MFRP: variants seen among roughly 807,000 people sequenced by gnomAD.
MFRP encodes membrane frizzled-related protein.
In MFRP, 74 loss-of-function variants were observed where a neutral mutation model predicts 65.8. That is an observed-to-expected ratio of 1.12 (90% CI 0.93 to 1.36). The LOEUF (loss-of-function observed/expected upper bound fraction) is 1.36, where lower values mean the gene tolerates loss of function less well. Among genes scored for constraint, MFRP ranks in the 40% most tolerant of loss-of-function variants. The probability of loss-of-function intolerance (pLI) is 0.00; values close to 1 mark genes in which losing one functional copy is unlikely to be tolerated. For missense variants in MFRP, 838 were observed against 736.0 expected, an observed-to-expected ratio of 1.14 and a Z score of -1.60; for synonymous variants, 336 against 288.3, an observed-to-expected ratio of 1.17 and a Z score of -1.68.
Position 119,340,233 on chromosome 11 carries a change from G to A in MFRP, c.*1061C>T. ...CTCCCGGAGCCCCGGGCGCGCCGTC[G>A]CGGCCGTCGCGGCCATCGCGGCCCG... On this transcript the variant is annotated 3_prime_UTR_variant, in exon 14 of 15. Transcript: ENST00000619721. 1 of 1,512,302 alleles carries A rather than the reference G, an allele frequency of 6.6e-7. No individual in the cohort carries two copies. The highest frequency in any genetic ancestry group is 8.8e-7 in the Non-Finnish European group (1 of 1,133,332). The allele number at this position is 1,512,302 out of a possible 1,614,324, so 93.7% of individuals were successfully genotyped here. A position where few individuals can be genotyped will look rare whatever the true frequency, so the allele number is the denominator to read the frequency against.
chr11:119,344,740 C>G lies in MFRP; in HGVS notation c.790G>C (p.Glu264Gln), dbSNP rs766760683. The G allele has an allele frequency of 6.2e-7, 1 of 1,613,904 alleles. No individual in the cohort carries two copies. The highest frequency in any genetic ancestry group is 8.5e-7 in the Non-Finnish European group (1 of 1,180,012). The change falls in exon 7 of 15, where the codon GAG (glutamate) becomes CAG (glutamine). Residue 264 changes from glutamate (E) to glutamine (Q), a missense_variant. By Grantham distance (29) the Glu-to-Gln change is conservative. Transcript: ENST00000619721. ...CAGATGAGCTGGTCACAGCGGAACTCATCATGGGCACAGCTCCCTGGATGT... is the reference window on the plus strand; with the variant it reads ...CAGATGAGCTGGTCACAGCGGAACTGATCATGGGCACAGCTCCCTGGATGT... Reference protein sequence around the residue: ...APGRGSCAHDEFRCDQLICLL... With the variant: ...APGRGSCAHDQFRCDQLICLL...
rs376084659 is a variant in MFRP at position 119,344,375 on chromosome 11, C to T, written c.915G>A (p.Leu305=). The change falls in exon 8 of 15, where the codon CTG becomes CTA. Residue 305 remains leucine, a synonymous_variant. Coordinates refer to ENST00000619721, the MANE Select transcript of MFRP (RefSeq NM_031433.4). ...TAGAGAAAGTGCCCTGGAGGCCAGT[C>T]AGATTCCCCCCACACCCTGTAGAGA... ...SAKFSGCGGN[L]TGLQGTFSTP... is the part of the protein sequence containing the mutation. 3.2e-5 allele frequency: 51 copies of T among 1,613,754 alleles called. No individual in the cohort carries two copies. The highest frequency in any genetic ancestry group is 4.3e-5 in the Non-Finnish European group (51 of 1,179,946).
rs896038961 is a variant in MFRP at position 119,344,318 on chromosome 11, T to G, written c.972A>C (p.Gln324His). ...TPSYLQQYPH[Q>H]LLCTWHISVP... The stretch of plus-strand genomic sequence containing the variant: ...CTGCATGGAGCACTGTGCTTACCAG[T>G]TGGTGAGGGTACTGCTGCAGGTAGC... Residue 324 changes from glutamine (Q) to histidine (H), a missense_variant, in exon 8 of 15, where the codon CAA becomes CAC. Transcript: ENST00000619721. 1.2e-6 allele frequency: 2 copies of G among 1,613,704 alleles called. No homozygotes were observed. Among genetic ancestry groups the G allele is most frequent in the Admixed American group, 3.3e-5 (2 of 59,968 alleles).
At chr11:119,344,824 G>A (rs1296763864) in intron 6 of MFRP, 50 bp downstream of exon 6, 2 of 1,613,590 alleles carry the variant, frequency 1.2e-6, no homozygotes, top group South Asian at 1.1e-5. Flanking sequence ...CTGGGAGTGG[G>A]TGGAGGGGAA....
Position 119,339,199 on chromosome 11 carries a change from C to T in MFRP, c.*1760G>A, listed in dbSNP as rs549464072. 5.4e-5 allele frequency: 54 copies of T among 1,004,544 alleles called. No homozygotes were observed. In the African/African-American group the frequency reaches 8.0e-4, roughly 15 times the overall value. The allele number at this position is 1,004,544 out of a possible 1,614,324, so 62.2% of individuals were successfully genotyped here. A position where few individuals can be genotyped will look rare whatever the true frequency, so the allele number is the denominator to read the frequency against. ...TTCCCATTCCTTGCCAGCAGCAGGACGGAGAGTGCTCTACCCCACCTCCCT... is the reference window on the plus strand; with the variant it reads ...TTCCCATTCCTTGCCAGCAGCAGGATGGAGAGTGCTCTACCCCACCTCCCT... On this transcript the variant is annotated 3_prime_UTR_variant, in exon 15 of 15. Transcript: ENST00000619721. The surrounding 1 kb of genome is among the most constrained non-coding windows in gnomAD (Gnocchi z 5.4).
rs143680329 is a variant in MFRP at position 119,344,634 on chromosome 11, G to A, written c.896C>T (p.Ser299Leu). The change falls in exon 7 of 15, where the codon TCG (serine) becomes TTG (leucine). Residue 299 changes from serine (S) to leucine (L), a missense_variant and splice_region_variant. Physicochemically the swap from Ser to Leu is moderately radical, Grantham distance 145. Coordinates refer to ENST00000619721, the MANE Select transcript of MFRP (RefSeq NM_031433.4). The part of the protein sequence containing the change: ...SDETNCSAKF[S>L]GCGGNLTGLQ... Reference sequence around the variant, plus strand: ...GGACCCCCATGCCTGGCCCGTACCCGAGAACTTGGCACTGCAATTGGTCTC... The same window carrying A: ...GGACCCCCATGCCTGGCCCGTACCCAAGAACTTGGCACTGCAATTGGTCTC... The A allele has an allele frequency of 4.2e-5, 67 of 1,613,990 alleles. No individual in the cohort carries two copies. The highest frequency in any genetic ancestry group is 1.5e-4 in the African/African-American group (11 of 75,038).
chr11:119,340,409 C>A lies in MFRP; in HGVS notation c.*885G>T, dbSNP rs1167597828. ...AGGAGTGGCCTCATAGCGCTGGCAC[C>A]GGGAGCCCGGACGCCGGGGTCCTCT... On this transcript the variant is annotated 3_prime_UTR_variant, in exon 14 of 15. Transcript: ENST00000619721. The A allele has an allele frequency of 3.2e-6, 5 of 1,542,976 alleles. No individual in the cohort carries two copies. Among genetic ancestry groups the A allele is most frequent in the Non-Finnish European group, 2.6e-6 (3 of 1,145,902 alleles).
Position 119,344,615 on chromosome 11 carries a change from C to G in MFRP, c.898+17G>C. 6.2e-7 allele frequency: 1 copy of G among 1,613,964 alleles called. No individual in the cohort carries two copies. The highest frequency in any genetic ancestry group is 1.1e-5 in the South Asian group (1 of 91,084). The stretch of plus-strand genomic sequence containing the variant: ...GATCAGACGCCTGAAGAGAGGACCC[C>G]CATGCCTGGCCCGTACCCGAGAACT... On this transcript the variant is annotated intron_variant, in intron 7 of 14. Transcript: ENST00000619721.
rs2135367603 is a variant in MFRP at position 119,341,620 on chromosome 11, C to T, written c.1668G>A (p.Leu556=). 4 of 1,612,948 alleles carry T rather than the reference C, an allele frequency of 2.5e-6. No individual in the cohort carries two copies. Among genetic ancestry groups the T allele is most frequent in the Non-Finnish European group, 3.4e-6 (4 of 1,180,014 alleles). ...EHQCQSGLAL[L]GTPWPFNCNR... ...TGCAGTTGAAGGGCCAGGGGGTGCCCAGTAGTGCCAGGCCAGACTGGCACT... is the reference window on the plus strand; with the variant it reads ...TGCAGTTGAAGGGCCAGGGGGTGCCTAGTAGTGCCAGGCCAGACTGGCACT... The change falls in exon 13 of 15, where the codon CTG becomes CTA. Residue 556 remains leucine (L), a synonymous_variant. Transcript: ENST00000619721.
rs1186325437 is a variant in MFRP, at chr11:119,346,298, C to T, written c.131G>A (p.Ser44Asn). Reference sequence around the variant, plus strand: ...ATGCCAGGGAGCTGGGACGCTGTAGCTGGCATCCTCTGGGAAAACTGGGGG... The same window carrying T: ...ATGCCAGGGAGCTGGGACGCTGTAGTTGGCATCCTCTGGGAAAACTGGGGG... ...CPPPVFPEDASYSVPAPWHGR... is the reference protein window; with the variant it reads ...CPPPVFPEDANYSVPAPWHGR... Residue 44 changes from serine (S) to asparagine (N), a missense_variant, in exon 2 of 15, where the codon AGC becomes AAC. Physicochemically the swap from Ser to Asn is conservative, Grantham distance 46. Coordinates refer to ENST00000619721, the MANE Select transcript of MFRP (RefSeq NM_031433.4). The T allele has an allele frequency of 6.2e-7, 1 of 1,613,702 alleles. No homozygotes were observed. The highest frequency in any genetic ancestry group is 2.2e-5 in the East Asian group (1 of 44,880).
rs1291229832 is a variant in MFRP at position 119,343,972 on chromosome 11, A to G, written c.976-8T>C. 1.9e-6 allele frequency: 3 copies of G among 1,603,894 alleles called. No homozygotes were observed. Among genetic ancestry groups the G allele is most frequent in the Non-Finnish European group, 2.5e-6 (3 of 1,178,394 alleles). ...GATATGCCAGGTGCAGAGCTGGGGG[A>G]GGGCATAGGTGGAGCAATTCATGGC... On this transcript the variant is annotated splice_polypyrimidine_tract_variant and splice_region_variant and intron_variant, in intron 8 of 14. Coordinates refer to ENST00000619721, the MANE Select transcript of MFRP (RefSeq NM_031433.4).
rs370918050 is a variant in MFRP at position 119,346,156 on chromosome 11, C to T, written c.161G>A (p.Arg54Gln). ...GTCTGGCCGTAGCCCTCGAGGACGC[C>T]GACCTGCGGGTTGGCAGGTGGGGTT... ...SYSVPAPWHG[R>Q]RPRGLRPDCR... The change falls in exon 3 of 15, where the codon CGG becomes CAG. Residue 54 changes from arginine (R) to glutamine (Q), a missense_variant. Coordinates refer to ENST00000619721, the MANE Select transcript of MFRP (RefSeq NM_031433.4). 49 of 1,589,538 alleles carry T rather than the reference C, an allele frequency of 3.1e-5. No homozygotes were observed. The highest frequency in any genetic ancestry group is 1.6e-4 in the East Asian group (7 of 43,898).
intron 11 of MFRP, 65 bp downstream of exon 11, chr11:119,342,531 C>A (rs1030164798): frequency 5.6e-6 from 9 of 1,594,986 alleles, no homozygotes; most frequent in Non-Finnish European, 6.8e-6. Context: ...CTGTGCAGTA[C>A]GGCAGTAGGG....
chr11:119,344,178 C>T (rs1950533440), intron 8 of MFRP, 137 bp downstream of exon 8: 1 of 979,754 alleles, frequency 1.0e-6, no homozygotes, highest in Non-Finnish European at 1.6e-6. Flanking sequence ...AATAATATTC[C>T]CCCATCCCCC....
rs1284244218 is a variant in MFRP, at chr11:119,340,223, G to T, written c.*1071C>A. ...TCGCCTTTCTCTCCCGGAGCCCCGG[G>T]CGCGCCGTCGCGGCCGTCGCGGCCA... On this transcript the variant is annotated 3_prime_UTR_variant, in exon 14 of 15. Coordinates refer to ENST00000619721, the MANE Select transcript of MFRP (RefSeq NM_031433.4). 2.0e-6 allele frequency: 3 copies of T among 1,513,442 alleles called. No individual in the cohort carries two copies. The highest frequency in any genetic ancestry group is 2.6e-6 in the Non-Finnish European group (3 of 1,133,660). The allele number at this position is 1,513,442 out of a possible 1,614,324, so 93.8% of individuals were successfully genotyped here.
In MFRP at chr11:119,339,910, G is replaced by T. The variant is rs1434649899; in HGVS notation, c.*1111-62C>A. On this transcript the variant is annotated intron_variant, in intron 14 of 14. Transcript: ENST00000619721. The surrounding 1 kb of genome is among the most constrained non-coding windows in gnomAD (Gnocchi z 5.4). ...GCGGCTCAGCCCGCAGCGGGGCGGC[G>T]ACTCTAAGGTCACCGTACCCCTCCC... 1 of 1,424,354 alleles carries T rather than the reference G, an allele frequency of 7.0e-7. No homozygotes were observed. The highest frequency in any genetic ancestry group is 1.5e-5 in the South Asian group (1 of 67,002). 88.2% of individuals were successfully genotyped at this position (1,424,354 alleles called of 1,614,324 possible). A position where few individuals can be genotyped will look rare whatever the true frequency, so the allele number is the denominator to read the frequency against.
chr11:119,344,211 C>T, intron 8 of MFRP, 104 bp downstream of exon 8: 2 of 1,175,442 alleles, frequency 1.7e-6, no homozygotes, highest in Admixed American at 1.7e-5. Context: ...TCTGACCTTC[C>T]CAAGTAGAAG....
rs1452839455 is a variant in MFRP at position 119,341,625 on chromosome 11, G to A, written c.1663C>T (p.Leu555=). The A allele has an allele frequency of 6.2e-7, 1 of 1,612,988 alleles. No homozygotes were observed. The highest frequency in any genetic ancestry group is 2.2e-5 in the East Asian group (1 of 44,892). ...TTGAAGGGCCAGGGGGTGCCCAGTAGTGCCAGGCCAGACTGGCACTGGTGC... is the reference window on the plus strand; with the variant it reads ...TTGAAGGGCCAGGGGGTGCCCAGTAATGCCAGGCCAGACTGGCACTGGTGC... ...AEHQCQSGLA[L]LGTPWPFNCN... is the part of the protein sequence containing the mutation. Residue 555 remains leucine (L), a synonymous_variant, in exon 13 of 15, where the codon CTA becomes TTA. Coordinates refer to ENST00000619721, the MANE Select transcript of MFRP (RefSeq NM_031433.4).
Position 119,346,558 on chromosome 11 carries a change from A to G in MFRP, c.-45T>C. The G allele has an allele frequency of 6.2e-7, 1 of 1,600,190 alleles. No homozygotes were observed. The highest frequency in any genetic ancestry group is 8.6e-7 in the Non-Finnish European group (1 of 1,168,314). ...CTTTCTGGAGTCCCTGTGACAGCCC[A>G]AGACCCCCAAGGGCCCACTCGCTGA... On this transcript the variant is annotated 5_prime_UTR_variant, in exon 1 of 15. Transcript: ENST00000619721.
Sources: allele counts gnomAD v4.1 joint callset, GRCh38; gene constraint gnomAD v4.1.1; non-coding constraint Gnocchi (gnomAD v3.1); transcripts MANE v1.5; gene names NCBI Gene and HGNC (gene_info 2026-07-23, HGNC 2026-07-21).